APH1B: variants seen among roughly 807,000 people sequenced by gnomAD.
APH1B encodes aph-1B gamma-secretase subunit.
APH1B carries 27 observed loss-of-function variants against 28.2 expected under a neutral mutation model. The ratio of observed to expected loss-of-function variants is 0.96; its 90% CI spans 0.70 to 1.32. The LOEUF (loss-of-function observed/expected upper bound fraction) is 1.32, where lower values mean the gene tolerates loss of function less well. Among genes scored for constraint, APH1B ranks in the 40% most tolerant of loss-of-function variants. The pLI is 0.00. For missense variants in APH1B, 305 were observed against 313.6 expected, an observed-to-expected ratio of 0.97 and a Z score of 0.21; for synonymous variants, 141 against 124.6, an observed-to-expected ratio of 1.13 and a Z score of -0.88.
chr15:63,302,283 GC>G (rs773940595), intron 4 of APH1B, 61 bp from the exon 5 acceptor site: 63 of 1,591,972 alleles, frequency 4.0e-5, no homozygotes, highest in Non-Finnish European at 5.0e-5. Context: ...CGTGCACAGT[GC>G]CAGGGTCCTC....
intron 5 of APH1B, among the ~76,000 whole-genome samples, chr15:63,303,884 C>CACACACACACACA (rs757252062): frequency 8.7e-6 from 1 of 114,630 alleles, no homozygotes; most frequent in Admixed American, 9.5e-5. Context: ...AACACACACA[C>CACACACACACACA]ACACACACAC....
At chr15:63,289,919 A>G (rs2152596203) in intron 4 of APH1B, among the ~76,000 whole-genome samples, 2 of 152,160 alleles carry the variant, frequency 1.3e-5, no homozygotes, top group Admixed American at 1.3e-4. Context: ...TGGGAGAATC[A>G]TTGAGCCCGG....
At chr15:63,288,169 T>C (rs1428678534) in intron 4 of APH1B, among the ~76,000 whole-genome samples, 1 of 152,234 alleles carries the variant, frequency 6.6e-6, no homozygotes, top group East Asian at 1.9e-4. Flanking sequence ...GTATTTTTAG[T>C]CGTTTCCACA....
In APH1B at chr15:63,287,214, T is replaced by C. The variant is rs140482176; in HGVS notation, c.356-210T>C. On this transcript the variant is annotated intron_variant, in intron 3 of 5. Coordinates refer to ENST00000261879, the MANE Select transcript of APH1B (RefSeq NM_031301.4). ...TCCCCTTTTTCATTACTCTGCTGCA[T>C]TCTGCCATTCATTTCCTTTCCTCTT... The C allele has an allele frequency of 6.1e-4, 336 of 555,328 alleles. No individual in the cohort carries two copies. In the Middle Eastern group the frequency reaches 7.2e-3, roughly 12 times the overall value. 34.4% of individuals were successfully genotyped at this position (555,328 alleles called of 1,614,324 possible).
chr15:63,303,737 C>T (rs971410667), intron 5 of APH1B, among the ~76,000 whole-genome samples: 1 of 152,138 alleles, frequency 6.6e-6, no homozygotes, highest in Non-Finnish European at 1.5e-5. Flanking sequence ...AAGCGATCCT[C>T]CTCTCTCAGC....
intron 2 of APH1B, among the ~76,000 whole-genome samples, chr15:63,281,875 C>G (rs937295629): frequency 3.3e-5 from 5 of 151,874 alleles, no homozygotes; most frequent in African/African-American, 1.2e-4. Context: ...GAAATTAAAG[C>G]TGTCAGTCTG....
At chr15:63,280,959 G>A (rs1052986533) in intron 2 of APH1B, among the ~76,000 whole-genome samples, 1 of 152,050 alleles carries the variant, frequency 6.6e-6, no homozygotes, top group African/African-American at 2.4e-5. Context: ...GACTAGCCTG[G>A]GCAACATGGC....
chr15:63,289,761 G>A (rs1035382722), intron 4 of APH1B, among the ~76,000 whole-genome samples: 2 of 152,182 alleles, frequency 1.3e-5, no homozygotes, highest in African/African-American at 4.8e-5. Context: ...CCAACACTTT[G>A]GGAAGCCAAG....
At chr15:63,297,773 T>C (rs17762576) in intron 4 of APH1B, among the ~76,000 whole-genome samples, 55,274 of 152,012 alleles carry the variant, frequency 0.36, 11,297 homozygotes, top group Non-Finnish European at 0.48. Flanking sequence ...ATGATGCAGA[T>C]ATCCGGGTCT....
At position 63,279,244 on chromosome 15, in the gene APH1B, C is replaced by T; in HGVS notation, c.197C>T (p.Pro66Leu). The change falls in exon 2 of 6, where the codon CCA becomes CTA. Residue 66 changes from proline to leucine, a missense_variant. Transcript: ENST00000261879. ...GTCATTATTGACAACAAAGATGGAC[C>T]AACACAGAAATATCTGCTGATCTTT... ...ARVIIDNKDG[P>L]TQKYLLIFGA... 1 of 1,613,034 alleles carries T rather than the reference C, an allele frequency of 6.2e-7. No individual in the cohort carries two copies. The highest frequency in any genetic ancestry group is 8.5e-7 in the Non-Finnish European group (1 of 1,179,278).
chr15:63,291,700 A>T (rs1567029977), intron 4 of APH1B: 1 of 152,244 alleles, frequency 6.6e-6, no homozygotes, highest in Non-Finnish European at 1.5e-5. Flanking sequence ...AATAAGTCTC[A>T]TGGTGGCTGG....
intron 2 of APH1B, among the ~76,000 whole-genome samples, chr15:63,280,625 G>T (rs2038376560): frequency 6.6e-6 from 1 of 152,190 alleles, no homozygotes; most frequent in Admixed American, 6.5e-5. Flanking sequence ...GGAAGCCATT[G>T]CTTAGAAGCA....
Position 63,304,205 on chromosome 15 carries a change from C to T in APH1B, c.607-1409C>T, listed in dbSNP as rs1198427460. Among the ~76,000 whole-genome samples, 3 of 152,136 alleles carry T rather than the reference C, an allele frequency of 2.0e-5. No individual in the cohort carries two copies. The highest frequency in any genetic ancestry group is 2.0e-4 in the Admixed American group (3 of 15,272). ...TGTGTGGCTCCGTTGACAGAAATACCAAAAGGCAGCACCAGGCTGTGGTGT... is the reference window on the plus strand; with the variant it reads ...TGTGTGGCTCCGTTGACAGAAATACTAAAAGGCAGCACCAGGCTGTGGTGT... On this transcript the variant is annotated intron_variant, in intron 5 of 5. Transcript: ENST00000261879. This position sits in a 1 kb window ranked among gnomAD's most constrained non-coding sequence, Gnocchi z 5.1.
In APH1B at chr15:63,279,199, T is replaced by A. The variant is rs1312571970; in HGVS notation, c.152T>A (p.Leu51His). Residue 51 changes from leucine (L) to histidine (H), a missense_variant, in exon 2 of 6, where the codon CTT becomes CAT. Coordinates refer to ENST00000261879, the MANE Select transcript of APH1B (RefSeq NM_031301.4). ...TTGGTGTCTCTACTGATTTCGTCCC[T>A]TGTTTGGTTCATGGCAAGAGTCATT... Reference protein sequence around the residue: ...FWLVSLLISSLVWFMARVIID... With the variant: ...FWLVSLLISSHVWFMARVIID... 1.9e-6 allele frequency: 3 copies of A among 1,611,650 alleles called. No individual in the cohort carries two copies. Among genetic ancestry groups the A allele is most frequent in the Non-Finnish European group, 2.5e-6 (3 of 1,178,220 alleles).
At chr15:63,281,128 C>A (rs2038381615) in intron 2 of APH1B, among the ~76,000 whole-genome samples, 1 of 151,792 alleles carries the variant, frequency 6.6e-6, no homozygotes, top group African/African-American at 2.4e-5. Context: ...AGAGCCAGAC[C>A]CTGTCTAAAA....
intron 2 of APH1B, among the ~76,000 whole-genome samples, chr15:63,283,178 T>C (rs760789081): frequency 5.9e-5 from 9 of 152,240 alleles, no homozygotes; most frequent in Non-Finnish European, 1.3e-4. Flanking sequence ...TTAGTTTATT[T>C]ATTTAATATA....
intron 5 of APH1B, among the ~76,000 whole-genome samples, chr15:63,303,205 G>A (rs1189772354): frequency 2.0e-5 from 3 of 152,136 alleles, no homozygotes; most frequent in African/African-American, 4.8e-5. Flanking sequence ...TGTGTAACTA[G>A]CACCTAGATG....
intron 2 of APH1B, among the ~76,000 whole-genome samples, chr15:63,281,350 C>G (rs1234523080): frequency 6.7e-6 from 1 of 150,276 alleles, no homozygotes; most frequent in African/African-American, 2.5e-5. Flanking sequence ...GTGGACATGA[C>G]CCTTTTTGTC....
intron 4 of APH1B, among the ~76,000 whole-genome samples, chr15:63,295,201 A>G (rs944430505): frequency 6.6e-6 from 1 of 152,238 alleles, no homozygotes; most frequent in East Asian, 1.9e-4. Flanking sequence ...TGCTGAAACT[A>G]TTCTAGGCTA....
Sources: allele counts gnomAD v4.1 joint callset (sites outside exome capture counted in the v4.1 genomes callset), GRCh38; gene constraint gnomAD v4.1.1; non-coding constraint Gnocchi (gnomAD v3.1); transcripts MANE v1.5; gene names NCBI Gene and HGNC (gene_info 2026-07-23, HGNC 2026-07-21).